PTPN1: variants seen among roughly 807,000 people sequenced by gnomAD.
The protein encoded by PTPN1 is tyrosine-protein phosphatase non-receptor type 1.
Under a neutral mutation model 59.9 loss-of-function variants are expected in PTPN1, and 12 were observed. The observed-to-expected ratio is 0.20, with a 90% confidence interval of 0.13 to 0.32. The LOEUF (loss-of-function observed/expected upper bound fraction) is 0.32. PTPN1 is among the 10% of genes least tolerant of loss of function. The pLI, the probability that PTPN1 is intolerant of heterozygous loss-of-function variation, is 1.00. For synonymous variants in PTPN1, 178 were observed against 203.6 expected (o/e 0.87, Z 1.07); for missense variants, 356 against 549.2 (o/e 0.65, Z 3.52).
chr20:50,550,707 G>A (rs1365153994), intron 1 of PTPN1, among the ~76,000 whole-genome samples: 1 of 152,220 alleles, frequency 6.6e-6, no homozygotes, highest in East Asian at 1.9e-4. Context: ...TATGTTGAGT[G>A]CCTACCCTGG....
chr20:50,531,419 C>T (rs184261317), intron 1 of PTPN1, among the ~76,000 whole-genome samples: 154 of 152,272 alleles, frequency 1.0e-3, no homozygotes, highest in Non-Finnish European at 1.6e-3. Context: ...CTCTGTCACC[C>T]AGGCTGGAGT....
chr20:50,535,277 G>T (rs1289554918), intron 1 of PTPN1, among the ~76,000 whole-genome samples: 1 of 152,048 alleles, frequency 6.6e-6, no homozygotes, highest in Non-Finnish European at 1.5e-5. Context: ...CTGGATAAAG[G>T]CACTCCCTTG....
chr20:50,570,443 G>GA (rs1224551019), intron 4 of PTPN1, among the ~76,000 whole-genome samples: 3 of 152,110 alleles, frequency 2.0e-5, no homozygotes, highest in African/African-American at 4.8e-5. Flanking sequence ...TCTTGTCTTA[G>GA]AAAAAAACTT....
chr20:50,515,532 T>C (rs2082525343), intron 1 of PTPN1, among the ~76,000 whole-genome samples: 1 of 152,182 alleles, frequency 6.6e-6, no homozygotes, highest in Non-Finnish European at 1.5e-5. Context: ...GCTCAAGTGA[T>C]CCTCCTGCCT....
chr20:50,581,958 G>A (rs978203238), intron 9 of PTPN1, among the ~76,000 whole-genome samples: 2 of 152,146 alleles, frequency 1.3e-5, no homozygotes, highest in East Asian at 1.9e-4. Flanking sequence ...AAACTTTTAC[G>A]AATGTAAACT....
At chr20:50,574,391 G>A in intron 4 of PTPN1, 126 bp from the exon 5 acceptor site, 1 of 994,494 alleles carries the variant, frequency 1.0e-6, no homozygotes, top group Non-Finnish European at 1.4e-6. Flanking sequence ...GCTGACCATG[G>A]CTTCCATGTT....
At chr20:50,558,297 C>T (rs907635630) in intron 1 of PTPN1, among the ~76,000 whole-genome samples, 2 of 151,932 alleles carry the variant, frequency 1.3e-5, no homozygotes. Flanking sequence ...TTTTTTGTAG[C>T]CATAGTAAAA....
intron 1 of PTPN1, among the ~76,000 whole-genome samples, chr20:50,525,596 A>G (rs2082571162): frequency 6.8e-6 from 1 of 148,100 alleles, no homozygotes; most frequent in Admixed American, 6.8e-5. Flanking sequence ...TATATACAGA[A>G]GTAGTCCTGG....
chr20:50,538,021 T>C (rs542091677), intron 1 of PTPN1, among the ~76,000 whole-genome samples: 1 of 152,260 alleles, frequency 6.6e-6, no homozygotes, highest in East Asian at 1.9e-4. Flanking sequence ...CAGGTGGTAA[T>C]AGGCCATCGA....
chr20:50,527,370 G>A (rs2082581316), intron 1 of PTPN1, among the ~76,000 whole-genome samples: 1 of 151,548 alleles, frequency 6.6e-6, no homozygotes, highest in South Asian at 2.1e-4. Flanking sequence ...TCCAGACTGA[G>A]TCTTGCTCTG....
chr20:50,565,740 A>G (rs947223602), intron 3 of PTPN1, among the ~76,000 whole-genome samples: 1 of 152,058 alleles, frequency 6.6e-6, no homozygotes, highest in Non-Finnish European at 1.5e-5. Context: ...AAGTTGGTCT[A>G]AAAAGACTGG....
At chr20:50,579,651 C>G in intron 7 of PTPN1, 52 bp from the exon 8 acceptor site, 1 of 1,527,736 alleles carries the variant, frequency 6.5e-7, no homozygotes, top group Non-Finnish European at 9.0e-7. Flanking sequence ...GATTTCCTGA[C>G]AAACCAGCCG....
At chr20:50,517,885 T>A (rs1254619920) in intron 1 of PTPN1, among the ~76,000 whole-genome samples, 2 of 152,236 alleles carry the variant, frequency 1.3e-5, no homozygotes, top group Non-Finnish European at 2.9e-5. Context: ...ACTTTTCAGA[T>A]GTTTCTTCCT....
intron 1 of PTPN1, among the ~76,000 whole-genome samples, chr20:50,552,447 GT>G (rs2082706199): frequency 6.6e-6 from 1 of 152,122 alleles, no homozygotes; most frequent in African/African-American, 2.4e-5. Context: ...TGTTACCTTA[GT>G]TTCCTGACTG....
intron 1 of PTPN1, among the ~76,000 whole-genome samples, chr20:50,528,130 C>A (rs1199681305): frequency 1.3e-5 from 2 of 152,132 alleles, no homozygotes; most frequent in South Asian, 2.1e-4. Flanking sequence ...TTAACTGATT[C>A]TCGTTCTTCT....
intron 3 of PTPN1, among the ~76,000 whole-genome samples, chr20:50,566,081 T>C (rs1411582765): frequency 6.6e-6 from 1 of 152,088 alleles, no homozygotes; most frequent in African/African-American, 2.4e-5. Context: ...TATGGGGCCA[T>C]TGAGTAAGTT....
At chr20:50,578,315 C>T (rs2122802192) in intron 5 of PTPN1, 105 bp from the exon 6 acceptor site, 1 of 937,854 alleles carries the variant, frequency 1.1e-6, no homozygotes, top group South Asian at 1.5e-5. Context: ...AATGAATGTT[C>T]CTCTTAGAGG....
intron 1 of PTPN1, among the ~76,000 whole-genome samples, chr20:50,534,250 C>G (rs2082614214): frequency 6.6e-6 from 1 of 152,214 alleles, no homozygotes; most frequent in South Asian, 2.1e-4. Flanking sequence ...ATAGCACTTT[C>G]TGCTTTTAGC....
Position 50,568,314 on chromosome 20 carries a change from A to C in PTPN1, c.256-66A>C. ...GGCGCTGTCGTTAGCTGACTGCAGA[A>C]GGTGAGCACACGCTGTAGCATGTTA... On this transcript the variant is annotated intron_variant, in intron 3 of 9. Transcript: ENST00000371621. This position sits in a 1 kb window ranked among gnomAD's most constrained non-coding sequence, Gnocchi z 5.6. 7.0e-7 allele frequency: 1 copy of C among 1,419,140 alleles called. No individual in the cohort carries two copies. The highest frequency in any genetic ancestry group is 1.4e-5 in the African/African-American group (1 of 71,078). The allele number at this position is 1,419,140 out of a possible 1,614,324, so 87.9% of individuals were successfully genotyped here. A position where few individuals can be genotyped will look rare whatever the true frequency, so the allele number is the denominator to read the frequency against.
Sources: allele counts gnomAD v4.1 joint callset (sites outside exome capture counted in the v4.1 genomes callset), GRCh38; gene constraint gnomAD v4.1.1; non-coding constraint Gnocchi (gnomAD v3.1); transcripts MANE v1.5; gene names NCBI Gene and HGNC (gene_info 2026-07-23, HGNC 2026-07-21).